NAALADL2: variants seen among roughly 807,000 people sequenced by gnomAD.
NAALADL2 encodes N-acetylated alpha-linked acidic dipeptidase like 2.
NAALADL2 carries 76 observed loss-of-function variants against 87.2 expected under a neutral mutation model. The observed-to-expected ratio is 0.87, with a 90% CI of 0.72 to 1.05. The LOEUF (loss-of-function observed/expected upper bound fraction) is 1.05. NAALADL2 is among the 50% of genes least tolerant of loss of function. NAALADL2 has a pLI of 0.00. For synonymous variants in NAALADL2, 354 were observed against 331.0 expected, an observed-to-expected ratio of 1.07 and a Z score of -0.75; for missense variants, 1,089 against 945.8, an observed-to-expected ratio of 1.15 and a Z score of -1.99.
At chr3:175,059,118 T>C (rs1712875521) in intron 1 of NAALADL2, among the ~76,000 whole-genome samples, 1 of 151,510 alleles carries the variant, frequency 6.6e-6, no homozygotes, top group African/African-American at 2.5e-5. Context: ...GTGAAGTCAT[T>C]GCTTTTTAAA....
rs141972178 is a variant in NAALADL2, at chr3:175,176,857, GC to G, written c.546-57072del. 3.7e-3 allele frequency among the ~76,000 whole-genome samples: 557 copies of G among 152,054 alleles called. 4 individuals carry two copies. Among genetic ancestry groups the G allele is most frequent in the Middle Eastern group, 0.017 (5 of 294 alleles). On this transcript the variant is annotated intron_variant, in intron 2 of 13. Transcript: ENST00000454872. ...GTACTGCTGAAACCTTGATTTTAGC[GC>G]CACAAAATCAGTGTCGCATTTCTGA...
intron 8 of NAALADL2, among the ~76,000 whole-genome samples, chr3:175,470,696 T>C (rs1444361416): frequency 6.6e-6 from 1 of 151,856 alleles, no homozygotes; most frequent in East Asian, 1.9e-4. Context: ...AACAGGAAAA[T>C]AGCAGAAAGA....
chr3:175,298,349 T>C (rs1020237550), intron 4 of NAALADL2, among the ~76,000 whole-genome samples: 2 of 152,162 alleles, frequency 1.3e-5, no homozygotes, highest in Non-Finnish European at 2.9e-5. Flanking sequence ...ATTTCATTGC[T>C]TTTGATGCCA....
intron 3 of NAALADL2, among the ~76,000 whole-genome samples, chr3:174,753,605 CCA>C (rs1159242835): frequency 1.3e-5 from 2 of 152,076 alleles, no homozygotes; most frequent in African/African-American, 4.8e-5. Context: ...CAACTTCTGT[CCA>C]CAGTGGGGAG....
chr3:174,825,190 T>C (rs910434235), intron 3 of NAALADL2, among the ~76,000 whole-genome samples: 1 of 152,216 alleles, frequency 6.6e-6, no homozygotes, highest in Admixed American at 6.5e-5. Context: ...AGAAGTCTCA[T>C]GATATACTAC....
intron 10 of NAALADL2, among the ~76,000 whole-genome samples, chr3:175,590,700 C>T (rs1168553519): frequency 6.6e-6 from 1 of 152,054 alleles, no homozygotes; most frequent in Admixed American, 6.5e-5. Context: ...TTATGAAAGT[C>T]CCACTATATT....
At chr3:175,788,197 G>T (rs1367214228) in intron 13 of NAALADL2, among the ~76,000 whole-genome samples, 3 of 148,870 alleles carry the variant, frequency 2.0e-5, no homozygotes, top group African/African-American at 7.5e-5. Flanking sequence ...AGGTTCAAGT[G>T]ATCCTCCCAA....
chr3:175,368,274 A>G (rs574324815), intron 5 of NAALADL2, among the ~76,000 whole-genome samples: 20 of 152,006 alleles, frequency 1.3e-4, no homozygotes, highest in African/African-American at 4.6e-4. Context: ...TTTATTGAGG[A>G]TTTTTGCATC....
intron 11 of NAALADL2, among the ~76,000 whole-genome samples, chr3:175,688,184 C>T (rs1455241733): frequency 2.6e-5 from 4 of 151,996 alleles, no homozygotes; most frequent in South Asian, 2.1e-4. Context: ...ACAATGACTC[C>T]GCAGGTTAGG....
intron 1 of NAALADL2, among the ~76,000 whole-genome samples, chr3:174,992,429 TA>T (rs1746866208): frequency 6.6e-6 from 1 of 152,074 alleles, no homozygotes; most frequent in African/African-American, 2.4e-5. Context: ...CACAAGGTAA[TA>T]TTCTTTTGTG....
chr3:175,433,403 G>T (rs1718106278), intron 5 of NAALADL2, among the ~76,000 whole-genome samples: 3 of 152,110 alleles, frequency 2.0e-5, no homozygotes, highest in South Asian at 4.2e-4. Context: ...TTTTGTTCAA[G>T]CTCCATTATC....
intron 13 of NAALADL2, among the ~76,000 whole-genome samples, chr3:175,771,490 T>G (rs1749476999): frequency 6.6e-6 from 1 of 152,152 alleles, no homozygotes. Flanking sequence ...TCCTTTCCAT[T>G]TCTGGAGGCC....
intron 4 of NAALADL2, among the ~76,000 whole-genome samples, chr3:175,311,223 G>A (rs1163261878): frequency 9.6e-6 from 1 of 103,980 alleles, no homozygotes; most frequent in Non-Finnish European, 1.8e-5. Context: ...TCTAGAACAT[G>A]GATTTTTTTT....
chr3:174,798,010 T>C (rs1380652439), intron 3 of NAALADL2, among the ~76,000 whole-genome samples: 2 of 145,624 alleles, frequency 1.4e-5, no homozygotes, highest in Non-Finnish European at 3.0e-5. Flanking sequence ...ATGTCTGTGA[T>C]CTATAATCAG....
At chr3:174,849,924 G>A (rs189440891) in intron 3 of NAALADL2, among the ~76,000 whole-genome samples, 4 of 151,962 alleles carry the variant, frequency 2.6e-5, no homozygotes, top group African/African-American at 7.2e-5. Flanking sequence ...AAAGATATAA[G>A]TATTTTACAC....
intron 1 of NAALADL2, among the ~76,000 whole-genome samples, chr3:174,953,740 C>T (rs1237492673): frequency 6.6e-6 from 1 of 151,946 alleles, no homozygotes; most frequent in South Asian, 2.1e-4. Flanking sequence ...GCAAGCTTTT[C>T]CCCGGAGCAG....
chr3:175,674,065 T>C (rs964312042), intron 11 of NAALADL2, among the ~76,000 whole-genome samples: 2 of 152,132 alleles, frequency 1.3e-5, no homozygotes, highest in African/African-American at 4.8e-5. Flanking sequence ...CTCTTTTTGC[T>C]GTGTTCCAAT....
At chr3:175,300,994 A>T (rs1757016451) in intron 4 of NAALADL2, among the ~76,000 whole-genome samples, 1 of 151,920 alleles carries the variant, frequency 6.6e-6, no homozygotes, top group African/African-American at 2.4e-5. Flanking sequence ...ACCTCAGGTG[A>T]TCCGCCTGCC....
chr3:175,706,308 C>T (rs1194886857), intron 11 of NAALADL2, among the ~76,000 whole-genome samples: 1 of 151,962 alleles, frequency 6.6e-6, no homozygotes. Context: ...ATAGATAGTA[C>T]CAAACTCTAA....
Sources: gnomAD v4.1 joint callset for allele counts (sites outside exome capture counted in the v4.1 genomes callset) on GRCh38, gnomAD v4.1.1 for gene constraint, MANE v1.5 for transcripts, NCBI Gene and HGNC (gene_info 2026-07-23, HGNC 2026-07-21) for gene names.